CACNA2D1: variants seen among roughly 807,000 people sequenced by gnomAD.
CACNA2D1 encodes voltage-dependent calcium channel subunit alpha-2/delta-1.
CACNA2D1 carries 53 observed loss-of-function variants against 171.5 expected under a neutral mutation model. The ratio of observed to expected loss-of-function variants is 0.31; its 90% CI spans 0.25 to 0.39. The LOEUF (loss-of-function observed/expected upper bound fraction) is 0.39. CACNA2D1 is among the 10% of genes least tolerant of loss of function. The pLI, the probability that CACNA2D1 is intolerant of heterozygous loss-of-function variation, is 1.00. For missense variants in CACNA2D1, 903 were observed against 1,299.8 expected (o/e 0.69, Z 4.69); for synonymous variants, 442 against 443.1 (o/e 1.00, Z 0.03).
intron 4 of CACNA2D1, among the ~76,000 whole-genome samples, chr7:82,139,090 T>C (rs181119208): frequency 1.3e-5 from 2 of 152,282 alleles, no homozygotes; most frequent in East Asian, 3.9e-4. Flanking sequence ...GCACACACTG[T>C]TGTGCCAAGA....
At chr7:82,402,541 T>C (rs1347070459) in intron 1 of CACNA2D1, among the ~76,000 whole-genome samples, 4 of 151,626 alleles carry the variant, frequency 2.6e-5, no homozygotes, top group Non-Finnish European at 5.9e-5. Context: ...TGAAACCCCA[T>C]CTCTACTAAA....
At chr7:82,164,957 T>A (rs75056799) in intron 4 of CACNA2D1, among the ~76,000 whole-genome samples, 1 of 151,996 alleles carries the variant, frequency 6.6e-6, no homozygotes, top group Non-Finnish European at 1.5e-5. Flanking sequence ...AAACCCTCTT[T>A]TGACAGCTGC....
intron 3 of CACNA2D1, among the ~76,000 whole-genome samples, chr7:82,308,232 C>T (rs1286786075): frequency 1.3e-5 from 2 of 152,310 alleles, no homozygotes; most frequent in South Asian, 4.1e-4. Context: ...TCCCTTTAAT[C>T]ATTGATTGTT....
At chr7:82,126,088 TATA>T (rs1175421849) in intron 5 of CACNA2D1, among the ~76,000 whole-genome samples, 4 of 152,348 alleles carry the variant, frequency 2.6e-5, no homozygotes, top group Admixed American at 2.6e-4. Context: ...ATCTAATCTT[TATA>T]ATAACTGAGG....
At chr7:82,146,565 T>C (rs1204517726) in intron 4 of CACNA2D1, among the ~76,000 whole-genome samples, 1 of 149,278 alleles carries the variant, frequency 6.7e-6, no homozygotes, top group African/African-American at 2.5e-5. Flanking sequence ...ATTAAGCTAC[T>C]ACAGTTTGAG....
At chr7:82,208,820 G>C (rs188557459) in intron 3 of CACNA2D1, among the ~76,000 whole-genome samples, 1 of 152,094 alleles carries the variant, frequency 6.6e-6, no homozygotes, top group Non-Finnish European at 1.5e-5. Flanking sequence ...AAACTGCTAA[G>C]AGAGTACATT....
chr7:82,352,481 C>T (rs956948717), intron 1 of CACNA2D1, among the ~76,000 whole-genome samples: 1 of 152,120 alleles, frequency 6.6e-6, no homozygotes, highest in Admixed American at 6.6e-5. Context: ...AGCTTTTTCA[C>T]ATAATAAGAA....
intron 4 of CACNA2D1, among the ~76,000 whole-genome samples, chr7:82,157,479 A>G (rs3801735): frequency 0.4 from 60,499 of 151,774 alleles, 12,299 homozygotes; most frequent in Middle Eastern, 0.53. Flanking sequence ...AGAAACTTCG[A>G]GGATTAAAAT....
At chr7:82,182,210 C>T (rs1797201142) in intron 3 of CACNA2D1, among the ~76,000 whole-genome samples, 1 of 151,982 alleles carries the variant, frequency 6.6e-6, no homozygotes, top group African/African-American at 2.4e-5. Flanking sequence ...TTCTGGTTGC[C>T]AAATGCATTA....
At chr7:82,329,582 T>G (rs1297546759) in intron 3 of CACNA2D1, among the ~76,000 whole-genome samples, 1 of 152,166 alleles carries the variant, frequency 6.6e-6, no homozygotes, top group African/African-American at 2.4e-5. Context: ...TCCTGTAAAT[T>G]GTTCATTAAC....
chr7:82,099,895 T>C (rs1416380618), intron 6 of CACNA2D1, among the ~76,000 whole-genome samples: 1 of 152,054 alleles, frequency 6.6e-6, no homozygotes, highest in Non-Finnish European at 1.5e-5. Context: ...TAGTTCTACA[T>C]GGACACAGGG....
At chr7:82,196,896 A>G (rs1022494005) in intron 3 of CACNA2D1, among the ~76,000 whole-genome samples, 2 of 151,852 alleles carry the variant, frequency 1.3e-5, no homozygotes, top group East Asian at 3.9e-4. Flanking sequence ...GAAAAGTAAT[A>G]CAAATTTGAA....
intron 38 of CACNA2D1, among the ~76,000 whole-genome samples, chr7:81,957,193 A>C (rs1793495434): frequency 6.6e-6 from 1 of 152,150 alleles, no homozygotes; most frequent in Non-Finnish European, 1.5e-5. Context: ...AATACCATGA[A>C]GCCTGTATAT....
intron 1 of CACNA2D1, among the ~76,000 whole-genome samples, chr7:82,355,457 G>A (rs903024464): frequency 2.0e-5 from 3 of 152,130 alleles, no homozygotes; most frequent in African/African-American, 7.2e-5. Flanking sequence ...AAGTTTCAGT[G>A]TTATAAAGAC....
In CACNA2D1 at chr7:81,949,031, A is replaced by G. The variant is rs1792267185; in HGVS notation, c.*1361T>C. 6.6e-6 allele frequency: 1 copy of G among 151,976 alleles called. No homozygotes were observed. The highest frequency in any genetic ancestry group is 6.6e-5 in the Admixed American group (1 of 15,226). 9.4% of individuals were successfully genotyped at this position (151,976 alleles called of 1,614,324 possible). Reference sequence around the variant, plus strand: ...TTCAGATTATTGTAAAACCCTTATCAACTTGCATGGAAATTTTGGCCAAAC... The same window carrying G: ...TTCAGATTATTGTAAAACCCTTATCGACTTGCATGGAAATTTTGGCCAAAC... On this transcript the variant is annotated 3_prime_UTR_variant, in exon 39 of 39. Transcript: ENST00000356860.
At chr7:82,139,317 A>C (rs1194202766) in intron 4 of CACNA2D1, among the ~76,000 whole-genome samples, 1 of 152,302 alleles carries the variant, frequency 6.6e-6, no homozygotes, top group East Asian at 1.9e-4. Context: ...AAGGGTTACA[A>C]GTATGATTTT....
intron 28 of CACNA2D1, 87 bp from the exon 29 acceptor site, chr7:81,969,060 T>C (rs1298549501): frequency 1.2e-6 from 1 of 806,168 alleles, no homozygotes; most frequent in Admixed American, 2.1e-5. Context: ...AAATGGATAG[T>C]ATTTTGCTTA....
At chr7:82,291,129 A>C (rs1296834852) in intron 3 of CACNA2D1, among the ~76,000 whole-genome samples, 2 of 145,670 alleles carry the variant, frequency 1.4e-5, no homozygotes, top group Non-Finnish European at 3.0e-5. Context: ...CTGGGACTAC[A>C]AGTGCAGGCC....
chr7:82,060,592 G>A (rs1806753642), intron 9 of CACNA2D1, 65 bp from the exon 10 acceptor site: 2 of 943,932 alleles, frequency 2.1e-6, no homozygotes, highest in Non-Finnish European at 1.7e-6. Context: ...ACATCATAAG[G>A]AAAGATAATG....
Sources: gnomAD v4.1 joint callset for allele counts (sites outside exome capture counted in the v4.1 genomes callset) on GRCh38, gnomAD v4.1.1 for gene constraint, MANE v1.5 for transcripts, NCBI Gene and HGNC (gene_info 2026-07-23, HGNC 2026-07-21) for gene names.